Variants in MRPL48 observed in about 807,000 individuals in gnomAD.
The protein encoded by MRPL48 is large ribosomal subunit protein mL48.
In MRPL48, 16 loss-of-function variants were observed where a neutral mutation model predicts 32.9. That is an observed-to-expected ratio of 0.49 (90% confidence interval 0.33 to 0.74). MRPL48 has a LOEUF of 0.74. MRPL48 is among the 30% of genes least tolerant of loss of function. The pLI is 0.02. For synonymous variants in MRPL48, 94 were observed against 89.2 expected (o/e 1.05, Z -0.31); for missense variants, 206 against 245.3 (o/e 0.84, Z 1.07).
intron 3 of MRPL48, among the ~76,000 whole-genome samples, chr11:73,809,929 A>G (rs1157564725): frequency 6.6e-6 from 1 of 152,132 alleles, no homozygotes; most frequent in Non-Finnish European, 1.5e-5. Context: ...CACCATTTCT[A>G]CTGGGCCCAA....
At chr11:73,794,182 C>CTGTA (rs1947202774) in intron 1 of MRPL48, among the ~76,000 whole-genome samples, 1 of 101,288 alleles carries the variant, frequency 9.9e-6, no homozygotes, top group Admixed American at 1.1e-4. Context: ...GAGTGAGACC[C>CTGTA]TGTATCTATC....
chr11:73,797,584 G>A (rs1565400894), intron 1 of MRPL48, among the ~76,000 whole-genome samples: 1 of 152,194 alleles, frequency 6.6e-6, no homozygotes, highest in South Asian at 2.1e-4. Context: ...GTCCGGCCTC[G>A]CAGAGAGCCA....
chr11:73,833,437 T>C (rs1948032211), intron 4 of MRPL48, among the ~76,000 whole-genome samples: 1 of 152,086 alleles, frequency 6.6e-6, no homozygotes, highest in South Asian at 2.1e-4. Flanking sequence ...ATGACCCTTT[T>C]CCATTCTAAA....
At chr11:73,809,111 G>A (rs1475278731) in intron 3 of MRPL48, among the ~76,000 whole-genome samples, 2 of 151,960 alleles carry the variant, frequency 1.3e-5, no homozygotes, top group Non-Finnish European at 2.9e-5. Flanking sequence ...ACTGCAGCCT[G>A]GGTGACAGAG....
chr11:73,840,003 C>T (rs532670747), intron 4 of MRPL48, among the ~76,000 whole-genome samples: 3 of 150,786 alleles, frequency 2.0e-5, no homozygotes, highest in Non-Finnish European at 2.9e-5. Flanking sequence ...GAGGCTGAGG[C>T]GGGAGGATCA....
At chr11:73,791,599 T>G (rs1279249401) in intron 1 of MRPL48, among the ~76,000 whole-genome samples, 1 of 151,898 alleles carries the variant, frequency 6.6e-6, no homozygotes, top group Non-Finnish European at 1.5e-5. Context: ...TGTATTTTTT[T>G]GTAGAGATGG....
chr11:73,807,696 G>C (rs1391904001), intron 2 of MRPL48, among the ~76,000 whole-genome samples: 1 of 142,630 alleles, frequency 7.0e-6, no homozygotes, highest in East Asian at 2.1e-4. Context: ...GGAGTGCAGT[G>C]GCACGATCTT....
At chr11:73,832,913 G>A (rs1948022012) in intron 4 of MRPL48, among the ~76,000 whole-genome samples, 1 of 152,094 alleles carries the variant, frequency 6.6e-6, no homozygotes, top group Non-Finnish European at 1.5e-5. Flanking sequence ...AACGGGACAT[G>A]GTCCTGTAAA....
intron 3 of MRPL48, among the ~76,000 whole-genome samples, chr11:73,815,346 G>C (rs1218715466): frequency 6.6e-6 from 1 of 152,130 alleles, no homozygotes; most frequent in Non-Finnish European, 1.5e-5. Flanking sequence ...CCTGGGAGGC[G>C]GAGGTTGCGG....
At chr11:73,839,867 G>A (rs1316379993) in intron 4 of MRPL48, among the ~76,000 whole-genome samples, 1 of 152,184 alleles carries the variant, frequency 6.6e-6, no homozygotes, top group Non-Finnish European at 1.5e-5. Flanking sequence ...GGAGGCTGAG[G>A]TGGAAGGATC....
chr11:73,806,354 C>A (rs1019216822), intron 2 of MRPL48, among the ~76,000 whole-genome samples: 1 of 152,108 alleles, frequency 6.6e-6, no homozygotes, highest in African/African-American at 2.4e-5. Context: ...CCTTCCCACC[C>A]CAGGATCTGT....
At chr11:73,844,352 A>G (rs889769824) in intron 4 of MRPL48, among the ~76,000 whole-genome samples, 1 of 151,936 alleles carries the variant, frequency 6.6e-6, no homozygotes, top group Non-Finnish European at 1.5e-5. Flanking sequence ...AATTACTTGA[A>G]CTGGGGAGGA....
intron 3 of MRPL48, among the ~76,000 whole-genome samples, chr11:73,821,805 G>C (rs1476604227): frequency 6.6e-6 from 1 of 152,186 alleles, no homozygotes; most frequent in Non-Finnish European, 1.5e-5. Context: ...GCCTGCCATG[G>C]ATATTGGGTT....
At chr11:73,812,174 C>A (rs11235915) in intron 3 of MRPL48, among the ~76,000 whole-genome samples, 14,429 of 152,188 alleles carry the variant, frequency 0.095, 810 homozygotes, top group South Asian at 0.27. Flanking sequence ...GTGTGAGCCA[C>A]CGCGCCCGGC....
At chr11:73,798,302 C>T (rs1947295972) in intron 1 of MRPL48, among the ~76,000 whole-genome samples, 1 of 152,054 alleles carries the variant, frequency 6.6e-6, no homozygotes, top group Non-Finnish European at 1.5e-5. Context: ...GCCTGTTGGC[C>T]AGGCTGGTTT....
At chr11:73,850,061 CT>C (rs1717525811) in intron 5 of MRPL48, among the ~76,000 whole-genome samples, 1 of 152,130 alleles carries the variant, frequency 6.6e-6, no homozygotes, top group Non-Finnish European at 1.5e-5. Flanking sequence ...GATCGTGCCA[CT>C]GCACTCCAGC....
chr11:73,794,587 GACAA>G (rs924508283), intron 1 of MRPL48, among the ~76,000 whole-genome samples: 6 of 151,686 alleles, frequency 4.0e-5, no homozygotes, highest in African/African-American at 7.3e-5. Context: ...AATCAGGTCA[GACAA>G]ACAAACAAAC....
intron 3 of MRPL48, among the ~76,000 whole-genome samples, chr11:73,809,532 C>G (rs567197630): frequency 6.6e-6 from 1 of 151,400 alleles, no homozygotes; most frequent in Non-Finnish European, 1.5e-5. Context: ...ATAAAATGCT[C>G]AAAAAGTAGC....
At chr11:73,855,296 G>A (rs550022889) in intron 5 of MRPL48, among the ~76,000 whole-genome samples, 10 of 151,590 alleles carry the variant, frequency 6.6e-5, no homozygotes, top group African/African-American at 9.7e-5. Context: ...TCCCACTCCC[G>A]TAGGATCACA....
Sources: gnomAD v4.1 joint callset for allele counts (sites outside exome capture counted in the v4.1 genomes callset) on GRCh38, gnomAD v4.1.1 for gene constraint, MANE v1.5 for transcripts, NCBI Gene and HGNC (gene_info 2026-07-23, HGNC 2026-07-21) for gene names.